SMAP1: variants seen among roughly 807,000 people sequenced by gnomAD.
SMAP1 encodes the protein small ArfGAP 1, also known as stromal membrane-associated protein 1.
A neutral mutation model predicts 58.5 loss-of-function variants in SMAP1; 24 were observed. That is an observed-to-expected ratio of 0.41 (90% CI 0.30 to 0.58). The LOEUF (loss-of-function observed/expected upper bound fraction) is 0.58. SMAP1 is among the 20% of genes least tolerant of loss of function. The pLI is 0.29. For missense variants in SMAP1, 563 were observed against 566.3 expected (o/e 0.99, Z 0.06); for synonymous variants, 216 against 196.6 (o/e 1.10, Z -0.82).
At chr6:70,860,111 A>AATG in intron 10 of SMAP1, 89 bp from the exon 11 acceptor site, 2 of 1,424,776 alleles carry the variant, frequency 1.4e-6, no homozygotes, top group Non-Finnish European at 1.9e-6. Flanking sequence ...TTGTCACATT[A>AATG]ATGAAAAAAT....
At chr6:70,683,132 A>G (rs1460227936) in intron 1 of SMAP1, among the ~76,000 whole-genome samples, 5 of 127,172 alleles carry the variant, frequency 3.9e-5, no homozygotes, top group Non-Finnish European at 6.9e-5. Context: ...ATGTTATACT[A>G]TTTTGCATTT....
intron 1 of SMAP1, among the ~76,000 whole-genome samples, chr6:70,687,458 T>G (rs1328846153): frequency 6.6e-6 from 1 of 152,184 alleles, no homozygotes; most frequent in Non-Finnish European, 1.5e-5. Flanking sequence ...TTTCTCAATG[T>G]AGGGCATTGA....
chr6:70,678,027 G>A lies in SMAP1; in HGVS notation c.118+9886G>A, dbSNP rs368375801. 3.3e-5 allele frequency among the ~76,000 whole-genome samples: 5 copies of A among 152,296 alleles called. No individual in the cohort carries two copies. In the East Asian group the frequency reaches 9.6e-4, roughly 29 times the overall value. ...CATTTAGTTACAGTATCATATAGAA[G>A]TGATTTTTAAAATTATTTCACTTAA... On this transcript the variant is annotated intron_variant, in intron 1 of 10. Coordinates refer to ENST00000370455, the MANE Select transcript of SMAP1 (RefSeq NM_001044305.3).
intron 6 of SMAP1, among the ~76,000 whole-genome samples, chr6:70,833,713 A>G (rs1214855849): frequency 6.6e-6 from 1 of 152,220 alleles, no homozygotes; most frequent in Non-Finnish European, 1.5e-5. Context: ...GCAAATGTGC[A>G]AAACAACAAT....
chr6:70,759,930 T>C, intron 3 of SMAP1: 1 of 422,894 alleles, frequency 2.4e-6, no homozygotes, highest in Non-Finnish European at 4.7e-6. Context: ...ACATTATCTT[T>C]TTTATTTCTC....
intron 6 of SMAP1, among the ~76,000 whole-genome samples, chr6:70,815,910 C>T (rs772423047): frequency 2.6e-4 from 39 of 152,074 alleles, no homozygotes; most frequent in Non-Finnish European, 4.9e-4. Context: ...GTGTGTAAGG[C>T]AGGCTAAAGG....
At chr6:70,788,261 G>A (rs1768161776) in intron 4 of SMAP1, among the ~76,000 whole-genome samples, 1 of 141,410 alleles carries the variant, frequency 7.1e-6, no homozygotes, top group African/African-American at 2.7e-5. Context: ...GAGAACACAT[G>A]GACACAGGAA....
chr6:70,738,121 T>C (rs887535463), intron 2 of SMAP1, among the ~76,000 whole-genome samples: 7 of 152,194 alleles, frequency 4.6e-5, no homozygotes, highest in African/African-American at 1.7e-4. Flanking sequence ...GATTTAAGCA[T>C]TCACTAGGTA....
At chr6:70,676,971 G>T (rs1766506420) in intron 1 of SMAP1, among the ~76,000 whole-genome samples, 1 of 151,714 alleles carries the variant, frequency 6.6e-6, no homozygotes, top group South Asian at 2.1e-4. Context: ...TTTTTGTTGG[G>T]TGTGGTGGGG....
At chr6:70,755,275 C>A (rs143873463) in intron 3 of SMAP1, among the ~76,000 whole-genome samples, 1 of 151,936 alleles carries the variant, frequency 6.6e-6, no homozygotes, top group Non-Finnish European at 1.5e-5. Flanking sequence ...CATAAAAATA[C>A]ACGATACATA....
chr6:70,772,513 C>G (rs751791310), intron 3 of SMAP1, among the ~76,000 whole-genome samples: 4 of 152,026 alleles, frequency 2.6e-5, no homozygotes, highest in Non-Finnish European at 5.9e-5. Flanking sequence ...TACCTGAGTA[C>G]CAGAGGAGCT....
intron 6 of SMAP1, among the ~76,000 whole-genome samples, chr6:70,835,204 A>G (rs1770525481): frequency 7.1e-6 from 1 of 141,670 alleles, no homozygotes; most frequent in Admixed American, 7.6e-5. Flanking sequence ...GTGAGCCAAG[A>G]TTGCGCCACT....
At chr6:70,797,381 A>G (rs1044827371) in intron 5 of SMAP1, among the ~76,000 whole-genome samples, 27 of 152,268 alleles carry the variant, frequency 1.8e-4, no homozygotes, top group African/African-American at 6.3e-4. Flanking sequence ...TGTAATGAAT[A>G]TTGAAACTCA....
intron 1 of SMAP1, among the ~76,000 whole-genome samples, chr6:70,691,975 C>G (rs192237584): frequency 6.6e-6 from 1 of 152,140 alleles, no homozygotes; most frequent in Admixed American, 6.5e-5. Flanking sequence ...GGGTATATAG[C>G]TAGCAGTGGG....
chr6:70,813,833 A>G (rs1769495105), intron 6 of SMAP1, among the ~76,000 whole-genome samples: 2 of 152,216 alleles, frequency 1.3e-5, no homozygotes, highest in South Asian at 4.1e-4. Flanking sequence ...ATGTTGCACA[A>G]TAAAAAATTA....
intron 1 of SMAP1, among the ~76,000 whole-genome samples, chr6:70,689,874 T>C (rs1767086489): frequency 6.6e-6 from 1 of 152,196 alleles, no homozygotes; most frequent in African/African-American, 2.4e-5. Context: ...TACTAGTATA[T>C]AGAAATACCG....
chr6:70,668,371 C>T (rs1027195571), intron 1 of SMAP1, among the ~76,000 whole-genome samples: 6 of 152,222 alleles, frequency 3.9e-5, no homozygotes, highest in Non-Finnish European at 7.3e-5. Flanking sequence ...GCCCCAGCCT[C>T]CCCTCCTCCC....
intron 1 of SMAP1, among the ~76,000 whole-genome samples, chr6:70,693,202 A>G (rs1380236207): frequency 6.6e-6 from 1 of 151,782 alleles, no homozygotes; most frequent in Admixed American, 6.6e-5. Flanking sequence ...AAGTCAGGTA[A>G]TGTGATTCCT....
intron 3 of SMAP1, among the ~76,000 whole-genome samples, chr6:70,761,668 C>T (rs1224415504): frequency 1.3e-5 from 2 of 151,902 alleles, no homozygotes; most frequent in Non-Finnish European, 2.9e-5. Context: ...ATCAGAATAC[C>T]TTTGTTAATA....
Sources: allele counts gnomAD v4.1 joint callset (sites outside exome capture counted in the v4.1 genomes callset), GRCh38; gene constraint gnomAD v4.1.1; transcripts MANE v1.5; gene names NCBI Gene and HGNC (gene_info 2026-07-23, HGNC 2026-07-21).